Variants in ZNF91 observed in about 807,000 individuals in gnomAD.
ZNF91 encodes zinc finger protein 91, also known as zinc finger protein 91 (HPF7, HTF10).
ZNF91 carries 7 observed loss-of-function variants against 12.6 expected under a neutral mutation model. The ratio of observed to expected loss-of-function variants is 0.55; its 90% CI spans 0.31 to 1.04. The LOEUF is 1.04. ZNF91 is among the 50% of genes least tolerant of loss of function. ZNF91 has a pLI of 0.05. For synonymous variants in ZNF91, 453 were observed against 462.6 expected, an observed-to-expected ratio of 0.98 and a Z score of 0.27; for missense variants, 1,217 against 1,385.4, an observed-to-expected ratio of 0.88 and a Z score of 1.93.
chr19:23,338,103 T>C (rs1381365891), downstream of ZNF91: 1 of 152,094 alleles, frequency 6.6e-6, no homozygotes, highest in Non-Finnish European at 1.5e-5. Context: ...ATGAAAACTT[T>C]CCAACTCTAG....
At chr19:23,350,207 G>A (rs1350874233) in intron 3 of ZNF91, among the ~76,000 whole-genome samples, 2 of 152,160 alleles carry the variant, frequency 1.3e-5, no homozygotes, top group Non-Finnish European at 2.9e-5. Flanking sequence ...CAGAAAAGCA[G>A]TACTAGAAAT....
At chr19:23,354,151 A>C (rs1187255393), downstream of ZNF91, among the ~76,000 whole-genome samples, 1 of 152,192 alleles carries the variant, frequency 6.6e-6, no homozygotes, top group Admixed American at 6.5e-5. Flanking sequence ...GAAGAAAACT[A>C]CAGACCAATA....
intron 1 of ZNF91, chr19:23,328,007 C>T (rs894558541): frequency 6.6e-6 from 1 of 152,090 alleles, no homozygotes; most frequent in Non-Finnish European, 1.5e-5. Flanking sequence ...TCGGACTTAG[C>T]CTCCTTTTAG....
At chr19:23,368,505 A>C (rs1969109269) in intron 3 of ZNF91, among the ~76,000 whole-genome samples, 5 of 131,982 alleles carry the variant, frequency 3.8e-5, no homozygotes, top group Admixed American at 1.5e-4. Flanking sequence ...ACAGAGCGAA[A>C]CTCCATCTCT....
At chr19:23,335,751 T>C (rs1391539804), downstream of ZNF91, among the ~76,000 whole-genome samples, 1 of 152,162 alleles carries the variant, frequency 6.6e-6, no homozygotes, top group Non-Finnish European at 1.5e-5. Flanking sequence ...GGAAAGGGAA[T>C]TCCCCGACCC....
chr19:23,337,726 G>A (rs1968043031), downstream of ZNF91: 1 of 151,936 alleles, frequency 6.6e-6, no homozygotes, highest in South Asian at 2.1e-4. Flanking sequence ...AGAGAGGCAA[G>A]AGAAATCTGA....
At chr19:23,354,666 A>G (rs951226664), downstream of ZNF91, among the ~76,000 whole-genome samples, 1 of 152,122 alleles carries the variant, frequency 6.6e-6, no homozygotes, top group Non-Finnish European at 1.5e-5. Context: ...AAATCAGTAA[A>G]CAGGAAGTCA....
At chr19:23,314,091 C>T (rs73924561), upstream of ZNF91, among the ~76,000 whole-genome samples, 2,032 of 152,226 alleles carry the variant, frequency 0.013, 46 homozygotes, top group African/African-American at 0.046. Flanking sequence ...TATATTCCTG[C>T]CCCTAGCACC....
chr19:23,348,103 G>A (rs1968274660), intron 3 of ZNF91, among the ~76,000 whole-genome samples: 1 of 152,032 alleles, frequency 6.6e-6, no homozygotes, highest in African/African-American at 2.4e-5. Flanking sequence ...CACCCTACAG[G>A]CCTCAATCTT....
Position 23,358,496 on chromosome 19 carries a change from T to G in ZNF91, c.*907A>C, listed in dbSNP as rs1443743027. ...GTAATGCTTTTTCAAAATACTCTTC[T>G]GTACTTTAAAGACATATTTTCTGAT... is the stretch of plus-strand genomic sequence containing the variant. On this transcript the variant is annotated 3_prime_UTR_variant, in exon 4 of 4. Coordinates refer to ENST00000300619, the MANE Select transcript of ZNF91 (RefSeq NM_003430.4). 1 of 152,246 alleles carries G rather than the reference T, an allele frequency of 6.6e-6. No individual in the cohort carries two copies. 9.4% of individuals were successfully genotyped at this position (152,246 alleles called of 1,614,324 possible).
At chr19:23,320,245 C>G (rs182212562) in intron 1 of ZNF91, among the ~76,000 whole-genome samples, 1 of 152,314 alleles carries the variant, frequency 6.6e-6, no homozygotes, top group East Asian at 1.9e-4. Context: ...TATTTAGACA[C>G]AGCCAATTGG....
intron 1 of ZNF91, chr19:23,384,824 C>A: frequency 1.4e-6 from 1 of 701,940 alleles, no homozygotes; most frequent in Non-Finnish European, 2.6e-6. Flanking sequence ...ACAGAAACAC[C>A]CTCCTCAGTG....
At chr19:23,390,468 T>C (rs926310822) in intron 1 of ZNF91, among the ~76,000 whole-genome samples, 4 of 152,002 alleles carry the variant, frequency 2.6e-5, no homozygotes, top group Non-Finnish European at 5.9e-5. Context: ...CACTTTATGG[T>C]GGGGGGGCGG....
intron 1 of ZNF91, among the ~76,000 whole-genome samples, chr19:23,377,069 A>G (rs779350598): frequency 6.6e-5 from 10 of 152,158 alleles, no homozygotes; most frequent in Admixed American, 2.0e-4. Flanking sequence ...AGATAAAAAT[A>G]TAAGTTTCTC....
chr19:23,340,403 T>C (rs1968096394), intron 3 of ZNF91, among the ~76,000 whole-genome samples: 1 of 152,006 alleles, frequency 6.6e-6, no homozygotes, highest in Admixed American at 6.6e-5. Flanking sequence ...TATAAACAAC[T>C]AGACACTCAC....
intron 1 of ZNF91, chr19:23,385,311 TC>T (rs1404478678): frequency 1.1e-5 from 5 of 460,508 alleles, no homozygotes; most frequent in African/African-American, 9.9e-5. Context: ...CGAACTTATT[TC>T]CTTTGGGGTA....
At chr19:23,373,346 T>TTATATATATATATATATA (rs200251921) in intron 3 of ZNF91, among the ~76,000 whole-genome samples, 7 of 85,790 alleles carry the variant, frequency 8.2e-5, no homozygotes, top group African/African-American at 1.9e-4. Flanking sequence ...TCATGTAATC[T>TTATATATATATATATATA]TATATATATA....
Position 23,373,372 on chromosome 19 carries a change from AT to A in ZNF91, c.253+369del, listed in dbSNP as rs1568395218. Among the ~76,000 whole-genome samples, 62 of 88,500 alleles carry A rather than the reference AT, an allele frequency of 7.0e-4. 1 individual carries two copies. The highest frequency in any genetic ancestry group is 1.8e-3 in the African/African-American group (45 of 24,806). The allele number at this position is 88,500 out of a possible 152,430, so 58.1% of individuals were successfully genotyped here. On this transcript the variant is annotated intron_variant, in intron 3 of 3. Transcript: ENST00000300619. ...TATATATATATATATATATATATATATATATATATATATAAATAAACAGTAC... is the reference window on the plus strand; with the variant it reads ...TATATATATATATATATATATATATAATATATATATATAAATAAACAGTAC...
At chr19:23,371,927 GAACC>G (rs1411968019) in intron 3 of ZNF91, among the ~76,000 whole-genome samples, 12 of 152,238 alleles carry the variant, frequency 7.9e-5, no homozygotes, top group African/African-American at 2.9e-4. Context: ...TTCAAGTTTA[GAACC>G]AACTATAGCC....
Sources: gnomAD v4.1 joint callset for allele counts (sites outside exome capture counted in the v4.1 genomes callset) on GRCh38, gnomAD v4.1.1 for gene constraint, MANE v1.5 for transcripts, NCBI Gene and HGNC (gene_info 2026-07-23, HGNC 2026-07-21) for gene names.